Variants in ATCAY observed in about 807,000 individuals in gnomAD.
ATCAY encodes the protein caytaxin.
In ATCAY, 22 loss-of-function variants were observed where a neutral mutation model predicts 47.7. The ratio of observed to expected loss-of-function variants is 0.46; its 90% confidence interval spans 0.33 to 0.66. The LOEUF (loss-of-function observed/expected upper bound fraction) is 0.66, where lower values mean the gene tolerates loss of function less well. Among genes scored for constraint, ATCAY ranks in the 30% least tolerant of loss-of-function variants. ATCAY has a pLI of 0.02. For missense variants in ATCAY, 452 were observed against 515.0 expected (o/e 0.88, Z 1.18); for synonymous variants, 216 against 207.6 (o/e 1.04, Z -0.35).
In ATCAY at chr19:3,908,260, C is replaced by T. The variant is rs370662253; in HGVS notation, c.545-8C>T. The T allele has an allele frequency of 3.9e-4, 607 of 1,568,048 alleles. 1 individual carries two copies. Among genetic ancestry groups the T allele is most frequent in the Non-Finnish European group, 8.2e-5 (95 of 1,156,348 alleles). On this transcript the variant is annotated splice_region_variant and splice_polypyrimidine_tract_variant and intron_variant, in intron 5 of 12. Coordinates refer to ENST00000450849, the MANE Select transcript of ATCAY (RefSeq NM_033064.5). ...CTCTGACGTTGCCGATCGGCTGCCT[C>T]TCCTCAGGGTACTACGGCGAAGGCC...
chr19:3,917,584 C>CAAA (rs71166940), intron 9 of ATCAY, among the ~76,000 whole-genome samples, 158 bp from the exon 10 acceptor site: 18 of 40,830 alleles, frequency 4.4e-4, no homozygotes, highest in African/African-American at 1.1e-3. Flanking sequence ...GACTCCATCT[C>CAAA]AAAAAAAAAA....
rs1160246244 is a variant in ATCAY, at chr19:3,884,193, A to AGGAGGATCGCTT, written c.-41-1532_-41-1521dup. Among the ~76,000 whole-genome samples the AGGAGGATCGCTT allele has an allele frequency of 7.9e-5, 12 of 152,252 alleles. No homozygotes were observed. In the East Asian group the frequency reaches 2.1e-3, roughly 27 times the overall value. ...TCCCAGATACTTGGGAGGCTGAGGC[A>AGGAGGATCGCTT]GGAGGATCGCTTGAGCCCAGGAGTT... On this transcript the variant is annotated intron_variant, in intron 1 of 12. Coordinates refer to ENST00000450849, the MANE Select transcript of ATCAY (RefSeq NM_033064.5).
chr19:3,894,217 G>T (rs960376753), intron 2 of ATCAY, among the ~76,000 whole-genome samples: 1 of 152,104 alleles, frequency 6.6e-6, no homozygotes, highest in Non-Finnish European at 1.5e-5. Flanking sequence ...GGGCGCGGTG[G>T]CTCACGTCTG....
At chr19:3,896,865 C>T (rs1182093201) in intron 2 of ATCAY, among the ~76,000 whole-genome samples, 1 of 152,070 alleles carries the variant, frequency 6.6e-6, no homozygotes, top group Non-Finnish European at 1.5e-5. Context: ...CAACCTCCAC[C>T]TCCCAGGTTC....
intron 10 of ATCAY, among the ~76,000 whole-genome samples, chr19:3,918,559 A>AAAT (rs1568453384): frequency 4.6e-5 from 7 of 151,658 alleles, no homozygotes; most frequent in African/African-American, 1.7e-4. Flanking sequence ...TGTCTCAAAA[A>AAAT]AAAAAACAAA....
chr19:3,915,310 T>C (rs1205140681), intron 9 of ATCAY, among the ~76,000 whole-genome samples: 1 of 150,368 alleles, frequency 6.7e-6, no homozygotes. Context: ...CTAGCTGGGA[T>C]TACAGGCATG....
chr19:3,886,719 C>CTTT (rs546816341), intron 2 of ATCAY, among the ~76,000 whole-genome samples: 2 of 131,434 alleles, frequency 1.5e-5, no homozygotes, highest in Non-Finnish European at 3.2e-5. Flanking sequence ...ACATGCTGAA[C>CTTT]TTTTTTTTTT....
At chr19:3,912,591 T>A (rs572197869) in intron 8 of ATCAY, among the ~76,000 whole-genome samples, 22 of 151,960 alleles carry the variant, frequency 1.4e-4, no homozygotes, top group Admixed American at 2.6e-4. Context: ...AATTTTTTTT[T>A]AAATACGGCC....
rs1264085923 is a variant in ATCAY, at chr19:3,924,886, G to A, written c.*294G>A. 2.4e-6 allele frequency: 1 copy of A among 410,696 alleles called. No individual in the cohort carries two copies. Among genetic ancestry groups the A allele is most frequent in the East Asian group, 4.3e-5 (1 of 23,374 alleles). The allele number at this position is 410,696 out of a possible 1,614,324, so 25.4% of individuals were successfully genotyped here. On this transcript the variant is annotated 3_prime_UTR_variant, in exon 13 of 13. Transcript: ENST00000450849. Reference sequence around the variant, plus strand: ...AGCCGAGGAAGGCAAGAAGCGCAGGGGGTGGCCCGCGTGGCGTCGGTGGCC... The same window carrying A: ...AGCCGAGGAAGGCAAGAAGCGCAGGAGGTGGCCCGCGTGGCGTCGGTGGCC...
intron 12 of ATCAY, among the ~76,000 whole-genome samples, chr19:3,921,927 A>G (rs2039024700): frequency 6.6e-6 from 1 of 151,940 alleles, no homozygotes; most frequent in Admixed American, 6.6e-5. Context: ...CAAAAAACTT[A>G]ACAAAAGGAA....
intron 8 of ATCAY, among the ~76,000 whole-genome samples, chr19:3,911,569 A>C (rs2038922817): frequency 1.1e-5 from 1 of 94,870 alleles, no homozygotes; most frequent in Non-Finnish European, 1.9e-5. Context: ...ATAAATAAAT[A>C]ATATGACTAA....
chr19:3,918,687 T>C (rs935305285), intron 10 of ATCAY, 119 bp from the exon 11 acceptor site: 39 of 984,204 alleles, frequency 4.0e-5, no homozygotes, highest in Non-Finnish European at 5.5e-5. Flanking sequence ...AACATCTCAC[T>C]GGTTTGGAAA....
At chr19:3,899,434 C>G (rs1411781682) in intron 2 of ATCAY, among the ~76,000 whole-genome samples, 1 of 151,432 alleles carries the variant, frequency 6.6e-6, no homozygotes, top group African/African-American at 2.4e-5. Context: ...CTGCCTCAGC[C>G]TCCCCAGTAG....
At position 3,913,862 on chromosome 19, in the gene ATCAY, T is replaced by C. The variant is rs777137213; in HGVS notation, c.965+6T>C. On this transcript the variant is annotated splice_donor_region_variant and intron_variant, in intron 9 of 12. Transcript: ENST00000450849. ...ATCCCAGACTGCGTCCTGCAGTGAG[T>C]GGCCCCACAGTCCACCCCGCCGTAT... 1.8e-5 allele frequency: 29 copies of C among 1,605,976 alleles called. No homozygotes were observed. Among genetic ancestry groups the C allele is most frequent in the Non-Finnish European group, 2.3e-5 (27 of 1,174,922 alleles).
At chr19:3,910,973 G>A in intron 8 of ATCAY, 84 bp downstream of exon 8, 1 of 1,387,082 alleles carries the variant, frequency 7.2e-7, no homozygotes, top group Non-Finnish European at 1.0e-6. Flanking sequence ...GTGTGTGCAT[G>A]TGTGCACGTG....
rs566575166 is a variant in ATCAY at position 3,890,806 on chromosome 19, C to T, written c.77+4962C>T. Reference sequence around the variant, plus strand: ...GTGCCAGCCTGGCCCCCACGAGCTACGCCTTTGCCAACAGGACACTTCCTC... The same window carrying T: ...GTGCCAGCCTGGCCCCCACGAGCTATGCCTTTGCCAACAGGACACTTCCTC... On this transcript the variant is annotated intron_variant, in intron 2 of 12. Coordinates refer to ENST00000450849, the MANE Select transcript of ATCAY (RefSeq NM_033064.5). Among the ~76,000 whole-genome samples the T allele has an allele frequency of 2.0e-4, 31 of 152,322 alleles. 1 individual carries two copies. The South Asian group carries it at 6.2e-3, about 30-fold the overall frequency.
intron 10 of ATCAY, among the ~76,000 whole-genome samples, 156 bp downstream of exon 10, chr19:3,917,933 G>A (rs2038980256): frequency 6.6e-6 from 1 of 152,154 alleles, no homozygotes; most frequent in Non-Finnish European, 1.5e-5. Flanking sequence ...TTTAAACTCA[G>A]ACCTGGGTTC....
chr19:3,909,333 A>G (rs2038902043), intron 6 of ATCAY, among the ~76,000 whole-genome samples, 153 bp from the exon 7 acceptor site: 1 of 150,994 alleles, frequency 6.6e-6, no homozygotes, highest in African/African-American at 2.4e-5. Context: ...GTCCTCTCCC[A>G]CCCTGCAGTC....
intron 1 of ATCAY, among the ~76,000 whole-genome samples, chr19:3,883,123 T>A (rs2038617065): frequency 6.6e-6 from 1 of 151,964 alleles, no homozygotes; most frequent in African/African-American, 2.4e-5. Flanking sequence ...GGCTCACACC[T>A]GTAATCCCAG....
Sources: gnomAD v4.1 joint callset for allele counts (sites outside exome capture counted in the v4.1 genomes callset) on GRCh38, gnomAD v4.1.1 for gene constraint, MANE v1.5 for transcripts, NCBI Gene and HGNC (gene_info 2026-07-23, HGNC 2026-07-21) for gene names.